The following MAOA variants were observed in gnomAD, a reference collection of about 807,000 sequenced individuals.
MAOA encodes the protein amine oxidase [flavin-containing] A.
A neutral mutation model predicts 42.0 loss-of-function variants in MAOA; 6 were observed. The ratio of observed to expected loss-of-function variants is 0.14; its 90% CI spans 0.08 to 0.28. The LOEUF (loss-of-function observed/expected upper bound fraction) is 0.28. Ranked by LOEUF, MAOA falls within the 10% of genes least tolerant of loss-of-function variation. MAOA has a pLI of 1.00. For synonymous variants in MAOA, 140 were observed against 154.0 expected (o/e 0.91, Z 0.67); for missense variants, 262 against 422.3 (o/e 0.62, Z 3.33).
At chrX:43,716,312 G>T (rs2033743745) in intron 5 of MAOA, among the ~76,000 whole-genome samples, 1 of 110,011 alleles carries the variant, frequency 9.1e-6, no homozygotes, top group Non-Finnish European at 1.9e-5. Context: ...AGATATAAAG[G>T]ATGGATGGTA....
intron 5 of MAOA, among the ~76,000 whole-genome samples, chrX:43,722,913 A>G (rs917013547): frequency 8.9e-6 from 1 of 111,989 alleles, no homozygotes; most frequent in Non-Finnish European, 1.9e-5. Flanking sequence ...ATGGCTAGCC[A>G]GTTTTCCCAG....
At chrX:43,675,628 G>A (rs2147077169) in intron 1 of MAOA, among the ~76,000 whole-genome samples, 1 of 112,237 alleles carries the variant, frequency 8.9e-6, no homozygotes, top group Non-Finnish European at 1.9e-5. Context: ...TGGTGTGGAT[G>A]TCCTTTCTGT....
At chrX:43,693,964 T>C (rs1298783282) in intron 3 of MAOA, among the ~76,000 whole-genome samples, 1 of 111,884 alleles carries the variant, frequency 8.9e-6, no homozygotes, top group Non-Finnish European at 1.9e-5. Context: ...TCATTTCCTC[T>C]GTACCTGGCC....
rs188016749 is a variant in MAOA at position 43,686,985 on chromosome X, C to G, written c.168+3378C>G. On this transcript the variant is annotated intron_variant, in intron 2 of 14. Coordinates refer to ENST00000338702, the MANE Select transcript of MAOA (RefSeq NM_000240.4). ...GTCAAATTTGGTATTACCTGGCAAG[C>G]TGTTCAGATGCGTCTTCCATTAGTT... is the stretch of plus-strand genomic sequence containing the variant. Among the ~76,000 whole-genome samples the G allele has an allele frequency of 3.5e-4, 38 of 109,738 alleles. 1 individual carries two copies. Among genetic ancestry groups the G allele is most frequent in the Non-Finnish European group, 2.3e-4 (12 of 53,151 alleles).
intron 3 of MAOA, among the ~76,000 whole-genome samples, chrX:43,695,118 C>T (rs1179041096): frequency 1.8e-5 from 2 of 111,714 alleles, no homozygotes; most frequent in African/African-American, 6.5e-5. Flanking sequence ...AGTGCATGCT[C>T]TTCATTATCC....
intron 5 of MAOA, among the ~76,000 whole-genome samples, chrX:43,727,891 T>C (rs146845357): frequency 0.014 from 1,593 of 112,109 alleles, 27 homozygotes; most frequent in African/African-American, 0.049. Context: ...ATCACCCACC[T>C]TCTGCGCGGA....
At chrX:43,697,111 G>A (rs1354952347) in intron 3 of MAOA, among the ~76,000 whole-genome samples, 2 of 112,196 alleles carry the variant, frequency 1.8e-5, no homozygotes, top group African/African-American at 3.2e-5. Context: ...GGGTTATTGC[G>A]CCATTTCACA....
At chrX:43,725,699 T>C (rs2033827082) in intron 5 of MAOA, among the ~76,000 whole-genome samples, 1 of 111,867 alleles carries the variant, frequency 8.9e-6, no homozygotes. Context: ...TATGTGTGAA[T>C]TTGATCCTAT....
At chrX:43,676,936 C>T (rs1025053803) in intron 1 of MAOA, among the ~76,000 whole-genome samples, 2 of 110,712 alleles carry the variant, frequency 1.8e-5, no homozygotes, top group African/African-American at 3.3e-5. Flanking sequence ...CACTACATTT[C>T]CAGGTTTATT....
At chrX:43,731,935 A>G (rs748301227) in intron 8 of MAOA, 82 bp downstream of exon 8, 25 of 924,619 alleles carry the variant, frequency 2.7e-5, no homozygotes, top group Non-Finnish European at 3.7e-5. Context: ...AAGGTATTGA[A>G]CAGAAACAAA....
chrX:43,742,962 C>T (rs1334144630), intron 12 of MAOA, among the ~76,000 whole-genome samples: 4 of 109,840 alleles, frequency 3.6e-5, no homozygotes, highest in African/African-American at 1.3e-4. Context: ...GATTGATGAA[C>T]TGGATTAGTT....
intron 6 of MAOA, among the ~76,000 whole-genome samples, chrX:43,729,049 C>T (rs1250782078): frequency 8.9e-6 from 1 of 112,409 alleles, no homozygotes; most frequent in Non-Finnish European, 1.9e-5. Context: ...TTACTTCTAA[C>T]TTAGGTTCTC....
chrX:43,688,995 CTT>C (rs900158723), intron 2 of MAOA, among the ~76,000 whole-genome samples: 2 of 112,040 alleles, frequency 1.8e-5, no homozygotes, highest in Non-Finnish European at 3.8e-5. Flanking sequence ...TTGTATATCT[CTT>C]TATCTTTCAG....
chrX:43,691,081 C>T (rs1165362935), intron 2 of MAOA, among the ~76,000 whole-genome samples: 1 of 110,955 alleles, frequency 9.0e-6, no homozygotes, highest in African/African-American at 3.3e-5. Flanking sequence ...AAAGAAACAC[C>T]CCAAATAAAT....
At chrX:43,682,586 TGAG>T (rs912998984) in intron 1 of MAOA, among the ~76,000 whole-genome samples, 1 of 111,884 alleles carries the variant, frequency 8.9e-6, no homozygotes, top group African/African-American at 3.3e-5. Context: ...AGTCAGTAAG[TGAG>T]GAGAAGAGAC....
chrX:43,667,712 G>A (rs2033294707), intron 1 of MAOA, among the ~76,000 whole-genome samples: 1 of 111,517 alleles, frequency 9.0e-6, no homozygotes, highest in African/African-American at 3.3e-5. Flanking sequence ...TCAAGTGAGT[G>A]TATATTGAAA....
chrX:43,720,797 AG>A (rs1316216507), intron 5 of MAOA, among the ~76,000 whole-genome samples: 1 of 45,469 alleles, frequency 2.2e-5, no homozygotes, highest in East Asian at 7.0e-4. Flanking sequence ...GGGGTGGGGG[AG>A]GGGGGAGGTA....
At chrX:43,702,862 A>C (rs1254456433) in intron 3 of MAOA, among the ~76,000 whole-genome samples, 1 of 111,125 alleles carries the variant, frequency 9.0e-6, no homozygotes, top group Non-Finnish European at 1.9e-5. Flanking sequence ...TCTAGCAGAT[A>C]AATGTCTCTG....
At position 43,727,231 on chromosome X, in the gene MAOA, G is replaced by A. The variant is rs777020840; in HGVS notation, c.504-942G>A. 3.6e-5 allele frequency among the ~76,000 whole-genome samples: 4 copies of A among 112,328 alleles called. No individual in the cohort carries two copies. The South Asian group carries it at 1.1e-3, about 31-fold the overall frequency. ...GAGAACCACTGCTCTCTTCAGAGCT[G>A]TCAGGCAGGGACATTTAAGTCTGCT... On this transcript the variant is annotated intron_variant, in intron 5 of 14. Transcript: ENST00000338702.
Sources: gnomAD v4.1 joint callset for allele counts (sites outside exome capture counted in the v4.1 genomes callset) on GRCh38, gnomAD v4.1.1 for gene constraint, MANE v1.5 for transcripts, NCBI Gene and HGNC (gene_info 2026-07-23, HGNC 2026-07-21) for gene names.